RP1: variants seen among roughly 807,000 people sequenced by gnomAD.
RP1 encodes the protein oxygen-regulated protein 1.
Under a neutral mutation model 14.8 loss-of-function variants are expected in RP1, and 16 were observed. The ratio of observed to expected loss-of-function variants is 1.08; its 90% confidence interval spans 0.73 to 1.65. The LOEUF (loss-of-function observed/expected upper bound fraction) is 1.65, where lower values mean the gene tolerates loss of function less well. Ranked by LOEUF, RP1 falls within the 40% of genes most tolerant of loss-of-function variation. The probability of loss-of-function intolerance (pLI) is 0.00; values close to 1 mark genes in which losing one functional copy is unlikely to be tolerated. For missense variants in RP1, 2,631 were observed against 2,535.0 expected, an observed-to-expected ratio of 1.04 and a Z score of -0.81; for synonymous variants, 876 against 883.6, an observed-to-expected ratio of 0.99 and a Z score of 0.15.
chr8:54,679,458 G>T, exon 10 of RP1: 1 of 1,535,948 alleles, frequency 6.5e-7, no homozygotes, highest in East Asian at 2.4e-5. Context: ...AAAATTGTCA[G>T]AGAACTGTAT....
At chr8:54,604,906 G>C (rs2129306716) in intron 1 of RP1, among the ~76,000 whole-genome samples, 1 of 152,052 alleles carries the variant, frequency 6.6e-6, no homozygotes, top group Non-Finnish European at 1.5e-5. Flanking sequence ...ATTTTTTATT[G>C]CATCTATTTG....
intron 1 of RP1, among the ~76,000 whole-genome samples, chr8:54,603,272 C>T (rs936622048): frequency 2.0e-5 from 3 of 151,882 alleles, no homozygotes; most frequent in African/African-American, 7.3e-5. Context: ...CCAGTTTTCC[C>T]AGCACCATTT....
In RP1 at chr8:54,630,412, A is replaced by G. The variant is rs1806222037; in HGVS notation, c.*59A>G. On this transcript the variant is annotated 3_prime_UTR_variant, in exon 4 of 4. Transcript: ENST00000220676. Reference sequence around the variant, plus strand: ...CATTTTTTCCCATGAGATGAAGCACATGTGACGAATACGGACTAGATAACC... The same window carrying G: ...CATTTTTTCCCATGAGATGAAGCACGTGTGACGAATACGGACTAGATAACC... 2 of 1,602,290 alleles carry G rather than the reference A, an allele frequency of 1.2e-6. No individual in the cohort carries two copies. Among genetic ancestry groups the G allele is most frequent in the South Asian group, 2.2e-5 (2 of 89,202 alleles).
Position 54,664,067 on chromosome 8 carries a change from C to T in RP1, c.1323+217C>T, listed in dbSNP as rs75363109. Among the ~76,000 whole-genome samples the T allele has an allele frequency of 2.6e-3, 401 of 152,206 alleles. 16 individuals carry two copies. The East Asian group carries it at 0.06, about 23-fold the overall frequency. ...TCCCCATTTCTCCTTCCCTTCAGTC[C>T]CTAGTAACCACCATTCTACTTTCTA... is the stretch of plus-strand genomic sequence containing the variant. On this transcript the variant is annotated intron_variant, in intron 7 of 22. Transcript: ENST00000636932.
intron 24 of RP1, among the ~76,000 whole-genome samples, chr8:54,812,210 G>A (rs1003829549): frequency 1.4e-4 from 21 of 151,618 alleles, no homozygotes; most frequent in African/African-American, 7.3e-5. Flanking sequence ...GTGTGATCTC[G>A]GCCCACTGCA....
At chr8:54,745,734 GT>G (rs745615247) in intron 19 of RP1, among the ~76,000 whole-genome samples, 1 of 149,486 alleles carries the variant, frequency 6.7e-6, no homozygotes, top group African/African-American at 2.5e-5. Context: ...ATGAATGCAT[GT>G]TTCAGTGAAA....
intron 1 of RP1, among the ~76,000 whole-genome samples, chr8:54,581,807 T>C (rs928618661): frequency 6.6e-6 from 1 of 152,242 alleles, no homozygotes; most frequent in Non-Finnish European, 1.5e-5. Context: ...ATGTCTTCTT[T>C]TGAGAAGTGT....
At chr8:54,754,752 T>C in intron 19 of RP1, 1 of 1,457,352 alleles carries the variant, frequency 6.9e-7, no homozygotes, top group Non-Finnish European at 9.0e-7. Flanking sequence ...TTCCAAGTTC[T>C]TTGAGAAATT....
chr8:54,849,390 C>T (rs965453215), intron 25 of RP1, among the ~76,000 whole-genome samples: 1 of 151,988 alleles, frequency 6.6e-6, no homozygotes, highest in Non-Finnish European at 1.5e-5. Context: ...TTGCACATCC[C>T]TCTCCTAAAC....
intron 14 of RP1, among the ~76,000 whole-genome samples, chr8:54,704,753 A>T (rs1172384907): frequency 6.6e-6 from 1 of 152,216 alleles, no homozygotes; most frequent in Non-Finnish European, 1.5e-5. Context: ...CCAAAGCAAC[A>T]TAATTTTAAC....
chr8:54,816,541 C>T (rs1811136327), intron 24 of RP1, among the ~76,000 whole-genome samples: 1 of 152,188 alleles, frequency 6.6e-6, no homozygotes, highest in African/African-American at 2.4e-5. Flanking sequence ...AAATATGTGG[C>T]TTAGGATGTA....
chr8:54,651,744 A>G (rs1168313751), intron 4 of RP1, among the ~76,000 whole-genome samples: 2 of 151,982 alleles, frequency 1.3e-5, no homozygotes, highest in African/African-American at 4.8e-5. Context: ...CCTTTTGTTT[A>G]TCAGTCTATC....
chr8:54,706,778 C>A, intron 15 of RP1: 1 of 956,796 alleles, frequency 1.0e-6, no homozygotes, highest in Non-Finnish European at 1.6e-6. Flanking sequence ...TCTCCCTTGA[C>A]TGGTATTTTT....
chr8:54,626,764 C>T lies in RP1; in HGVS notation c.2882C>T (p.Ser961Phe), dbSNP rs746183259. 6.2e-7 allele frequency: 1 copy of T among 1,613,766 alleles called. No homozygotes were observed. The highest frequency in any genetic ancestry group is 8.5e-7 in the Non-Finnish European group (1 of 1,179,926). ...SFSGNDPHTN[S>F]GKISNFVMES... is the part of the protein sequence containing the mutation. ...TCAGGGAATGATCCCCATACAAATTCTGGAAAAATAAGTAATTTTGTTATG... is the reference window on the plus strand; with the variant it reads ...TCAGGGAATGATCCCCATACAAATTTTGGAAAAATAAGTAATTTTGTTATG... The change falls in exon 4 of 4, where the codon TCT becomes TTT. Residue 961 changes from serine (S) to phenylalanine (F), a missense_variant. Physicochemically the swap from Ser to Phe is radical, Grantham distance 155. Transcript: ENST00000220676.
Position 54,779,329 on chromosome 8 carries a change from A to G in RP1, c.3452-4218A>G, listed in dbSNP as rs184433270. 6.6e-5 allele frequency among the ~76,000 whole-genome samples: 10 copies of G among 152,194 alleles called. 1 individual carries two copies. Among genetic ancestry groups the G allele is most frequent in the East Asian group, 5.8e-4 (3 of 5,182 alleles). Reference sequence around the variant, plus strand: ...CAAAGCAGACTGTCCCATCATTTTTATTATTGAATTGCAGTCACTTAGGGC... The same window carrying G: ...CAAAGCAGACTGTCCCATCATTTTTGTTATTGAATTGCAGTCACTTAGGGC... On this transcript the variant is annotated intron_variant, in intron 23 of 28. Transcript: ENST00000637698.
At chr8:54,647,769 T>C (rs975510339) in intron 3 of RP1, among the ~76,000 whole-genome samples, 6 of 152,096 alleles carry the variant, frequency 3.9e-5, no homozygotes, top group African/African-American at 1.4e-4. Flanking sequence ...CAGCTTGCTG[T>C]GACCTCAAAT....
chr8:54,582,194 G>A (rs1804808689), intron 1 of RP1, among the ~76,000 whole-genome samples: 1 of 151,948 alleles, frequency 6.6e-6, no homozygotes, highest in African/African-American at 2.4e-5. Flanking sequence ...GTGTAAGGAA[G>A]GGATCCAGTT....
intron 12 of RP1, among the ~76,000 whole-genome samples, chr8:54,697,630 A>G (rs1320826494): frequency 6.6e-6 from 1 of 152,170 alleles, no homozygotes; most frequent in African/African-American, 2.4e-5. Context: ...CCAAGGAAAA[A>G]ATTCCAGCGT....
chr8:54,727,445 G>A (rs1053430111), intron 17 of RP1, among the ~76,000 whole-genome samples: 11 of 152,104 alleles, frequency 7.2e-5, no homozygotes, highest in South Asian at 2.1e-4. Flanking sequence ...GTTGAAAATA[G>A]CATGCTAGCC....
Sources: allele counts gnomAD v4.1 joint callset (sites outside exome capture counted in the v4.1 genomes callset), GRCh38; gene constraint gnomAD v4.1.1; transcripts MANE v1.5; gene names NCBI Gene and HGNC (gene_info 2026-07-23, HGNC 2026-07-21).